The following PIH1D1 variants were observed in gnomAD, a reference collection of about 807,000 sequenced individuals.
PIH1D1 encodes the protein PIH1 domain containing 1, also known as PIH1 domain-containing protein 1.
A neutral mutation model predicts 38.5 loss-of-function variants in PIH1D1; 28 were observed. The ratio of observed to expected loss-of-function variants is 0.73; its 90% confidence interval spans 0.54 to 1.00. The LOEUF (loss-of-function observed/expected upper bound fraction) is 1.00, where lower values mean the gene tolerates loss of function less well. Among genes scored for constraint, PIH1D1 ranks in the 50% least tolerant of loss-of-function variants. PIH1D1 has a pLI of 0.00. For synonymous variants in PIH1D1, 155 were observed against 153.5 expected (o/e 1.01, Z -0.07); for missense variants, 343 against 369.9 (o/e 0.93, Z 0.60).
intron 2 of PIH1D1, among the ~76,000 whole-genome samples, 166 bp from the exon 3 acceptor site, chr19:49,449,820 ACT>A (rs2079047605): frequency 1.5e-5 from 2 of 133,970 alleles, no homozygotes; most frequent in South Asian, 2.4e-4. Context: ...TTTGAGACAG[ACT>A]CTCACTCTGT....
chr19:49,450,653 G>A (rs2079052541), intron 2 of PIH1D1, 129 bp downstream of exon 2: 1 of 855,886 alleles, frequency 1.2e-6, no homozygotes, highest in Admixed American at 2.3e-5. Context: ...TCTGTCCTAG[G>A]ATGATCTCTG....
Position 49,450,787 on chromosome 19 carries a change from T to C in PIH1D1, c.152A>G (p.Gln51Arg). 2 of 1,602,208 alleles carry C rather than the reference T, an allele frequency of 1.2e-6. No individual in the cohort carries two copies. Among genetic ancestry groups the C allele is most frequent in the South Asian group, 1.1e-5 (1 of 90,842 alleles). ...TCTCCGGTGTCCTTTCTCACCAGGC[T>C]GAGGCTGGATTTGTGTCGATTCTGG... The part of the protein sequence containing the change: ...TRPESTQIQP[Q>R]PGFCIKTNSS... Residue 51 changes from glutamine (Q) to arginine (R), a missense_variant, in exon 2 of 9, where the codon CAG (glutamine) becomes CGG (arginine). Physicochemically the swap from Gln to Arg is conservative, Grantham distance 43 (BLOSUM62 1). Transcript: ENST00000262265.
At chr19:49,448,321 C>T (rs996746068) in intron 3 of PIH1D1, 3 of 519,988 alleles carry the variant, frequency 5.8e-6, no homozygotes, top group Non-Finnish European at 7.0e-6. Flanking sequence ...TCTCTGGCTC[C>T]CCAGTGCTCC....
intron 2 of PIH1D1, 51 bp from the exon 3 acceptor site, chr19:49,449,705 C>A (rs929137833): frequency 2.7e-6 from 4 of 1,479,736 alleles, no homozygotes; most frequent in African/African-American, 1.4e-5. Flanking sequence ...AAGTCCCAGT[C>A]CCCATCCATT....
At position 49,451,711 on chromosome 19, in the gene PIH1D1, C is replaced by A. The variant is rs2079062347; in HGVS notation, c.-137G>T. 1.4e-6 allele frequency: 2 copies of A among 1,448,256 alleles called. No homozygotes were observed. The highest frequency in any genetic ancestry group is 1.8e-6 in the Non-Finnish European group (2 of 1,101,984). The allele number at this position is 1,448,256 out of a possible 1,614,324, so 89.7% of individuals were successfully genotyped here. On this transcript the variant is annotated 5_prime_UTR_variant, in exon 1 of 9. Coordinates refer to ENST00000262265, the MANE Select transcript of PIH1D1 (RefSeq NM_017916.3). The stretch of plus-strand genomic sequence containing the variant: ...ATCCTGTTCAAAAACCTAAGACTGG[C>A]CTAAGACTACATTTCCATTCAAGAC...
At chr19:49,449,018 C>T (rs1487364187) in intron 3 of PIH1D1, 8 of 323,360 alleles carry the variant, frequency 2.5e-5, no homozygotes, top group Non-Finnish European at 4.3e-5. Context: ...GTGGCGAAAC[C>T]CCGTCTCTAT....
At position 49,446,897 on chromosome 19, in the gene PIH1D1, T is replaced by A. The variant is rs2079026850; in HGVS notation, c.687+127A>T. The A allele has an allele frequency of 1.0e-5, 11 of 1,072,808 alleles. No homozygotes were observed. In the South Asian group the frequency reaches 1.4e-4, roughly 14 times the overall value. The allele number at this position is 1,072,808 out of a possible 1,614,324, so 66.5% of individuals were successfully genotyped here. ...CAGGACAGCACCAGAAGGTGGCCTG[T>A]GGGCCTCCTGGCAGAGAGGACGCAA... is the stretch of plus-strand genomic sequence containing the variant. On this transcript the variant is annotated intron_variant, in intron 7 of 8. Coordinates refer to ENST00000262265, the MANE Select transcript of PIH1D1 (RefSeq NM_017916.3).
intron 1 of PIH1D1, 103 bp downstream of exon 1, chr19:49,451,382 G>T: frequency 6.6e-7 from 1 of 1,519,022 alleles, no homozygotes. Flanking sequence ...ATTCCCCGAG[G>T]CCTGGTTCCC....
Position 49,450,770 on chromosome 19 carries a change from G to A in PIH1D1, c.157+12C>T. The A allele has an allele frequency of 2.5e-6, 4 of 1,607,246 alleles. No homozygotes were observed. Among genetic ancestry groups the A allele is most frequent in the Non-Finnish European group, 2.5e-6 (3 of 1,178,540 alleles). ...GGTCTCCTGTCCCTCTCTCTCCGGT[G>A]TCCTTTCTCACCAGGCTGAGGCTGG... is the stretch of plus-strand genomic sequence containing the variant. On this transcript the variant is annotated intron_variant, in intron 2 of 8. Transcript: ENST00000262265.
In PIH1D1 at chr19:49,450,872, A is replaced by C. The variant is rs372841399; in HGVS notation, c.91-24T>G. The C allele has an allele frequency of 1.9e-6, 3 of 1,613,688 alleles. No homozygotes were observed. The African/African-American group carries it at 4.0e-5, about 22-fold the overall frequency. On this transcript the variant is annotated intron_variant, in intron 1 of 8. Coordinates refer to ENST00000262265, the MANE Select transcript of PIH1D1 (RefSeq NM_017916.3). ...GCCTGTATAAAGGAAAACTACCTCC[A>C]GGCTCGGAGTCTGTGCCATCAGACC... is the stretch of plus-strand genomic sequence containing the variant.
chr19:49,449,473 A>G lies in PIH1D1; in HGVS notation c.337+2T>C. 6.2e-7 allele frequency: 1 copy of G among 1,614,024 alleles called. No individual in the cohort carries two copies. Among genetic ancestry groups the G allele is most frequent in the Non-Finnish European group, 8.5e-7 (1 of 1,179,904 alleles). ...ACTCCTGGGTCCTCTGAGGGCACTG[A>G]CTTGCATCCAGTTCTGCATGAGGCT... is the stretch of plus-strand genomic sequence containing the variant. On this transcript the variant is annotated splice_donor_variant, in intron 3 of 8. Coordinates refer to ENST00000262265, the MANE Select transcript of PIH1D1 (RefSeq NM_017916.3). LOFTEE classifies it high-confidence loss of function.
intron 7 of PIH1D1, 64 bp downstream of exon 7, chr19:49,446,960 C>A: frequency 7.2e-7 from 1 of 1,384,042 alleles, no homozygotes; most frequent in South Asian, 1.2e-5. Context: ...CACTCACACT[C>A]AGAGACAGTC....
Position 49,447,346 on chromosome 19 carries a change from A to C in PIH1D1, c.603T>G (p.Ala201=). ...ATCTACCGAAGGCCCACCCTGACTC[A>C]GCTCTCCCGGGGGCGGGCGTGTACA... ...GDLYTPAPGR[A]ESGPEKPHLN... Residue 201 remains alanine, a synonymous_variant, in exon 6 of 9, where the codon GCT becomes GCG. Coordinates refer to ENST00000262265, the MANE Select transcript of PIH1D1 (RefSeq NM_017916.3). 1 of 1,613,878 alleles carries C rather than the reference A, an allele frequency of 6.2e-7. No individual in the cohort carries two copies. The highest frequency in any genetic ancestry group is 8.5e-7 in the Non-Finnish European group (1 of 1,179,932).
At chr19:49,449,363 G>A (rs1344516008) in intron 3 of PIH1D1, 112 bp downstream of exon 3, 1 of 968,702 alleles carries the variant, frequency 1.0e-6, no homozygotes, top group South Asian at 1.3e-5. Flanking sequence ...ATCAGATCGA[G>A]GGGCCAGATC....
chr19:49,449,513 G>C lies in PIH1D1; in HGVS notation c.299C>G (p.Pro100Arg). 1 of 1,614,188 alleles carries C rather than the reference G, an allele frequency of 6.2e-7. No individual in the cohort carries two copies. Among genetic ancestry groups the C allele is most frequent in the Non-Finnish European group, 8.5e-7 (1 of 1,180,028 alleles). ...LEEDQAGFRIPMSLGEPHAEL... is the reference protein window; with the variant it reads ...LEEDQAGFRIRMSLGEPHAEL... ...TGCATGAGGCTCTCCCAGACTCATG[G>C]GGATGCGAAACCCAGCTTGGTCCTC... Residue 100 changes from proline to arginine, a missense_variant, in exon 3 of 9, where the codon CCC becomes CGC. Physicochemically the swap from Pro to Arg is moderately radical, Grantham distance 103 (BLOSUM62 -2). Coordinates refer to ENST00000262265, the MANE Select transcript of PIH1D1 (RefSeq NM_017916.3).
At chr19:49,446,834 T>C (rs775205607) in intron 7 of PIH1D1, 140 bp from the exon 8 acceptor site, 2 of 1,145,026 alleles carry the variant, frequency 1.7e-6, no homozygotes, top group Non-Finnish European at 2.5e-6. Flanking sequence ...CAATTACAAG[T>C]CTCAACGACC....
intron 2 of PIH1D1, 27 bp downstream of exon 2, chr19:49,450,755 C>A: frequency 6.6e-7 from 1 of 1,512,812 alleles, no homozygotes; most frequent in Non-Finnish European, 8.9e-7. Context: ...GGTCTCCTGT[C>A]CCTCTCTCTC....
In PIH1D1 at chr19:49,447,402, G is replaced by GCT; in HGVS notation, c.545_546dup (p.Gln183SerfsTer29). The GCT allele has an allele frequency of 2.5e-6, 4 of 1,613,316 alleles. No individual in the cohort carries two copies. Among genetic ancestry groups the GCT allele is most frequent in the Non-Finnish European group, 2.5e-6 (3 of 1,179,960 alleles). ...CCCAGCTCCTGGATCCGAGGACGCT[G>GCT]CTCCGAGCGGATGTTCTGCTGCGAG... On this transcript the variant is annotated frameshift_variant, in exon 6 of 9. Coordinates refer to ENST00000262265, the MANE Select transcript of PIH1D1 (RefSeq NM_017916.3). LOFTEE classifies it high-confidence loss of function.
At chr19:49,450,684 C>T in intron 2 of PIH1D1, 98 bp downstream of exon 2, 1 of 444,988 alleles carries the variant, frequency 2.2e-6, no homozygotes, top group South Asian at 3.6e-5. Context: ...CTCACCCCAC[C>T]CCCACCCTAG....
Sources: gnomAD v4.1 joint callset for allele counts (sites outside exome capture counted in the v4.1 genomes callset) on GRCh38, gnomAD v4.1.1 for gene constraint, MANE v1.5 for transcripts, NCBI Gene and HGNC (gene_info 2026-07-23, HGNC 2026-07-21) for gene names.